TTC39B: variants seen among roughly 807,000 people sequenced by gnomAD.
TTC39B encodes the protein tetratricopeptide repeat domain 39B.
TTC39B carries 92 observed loss-of-function variants against 96.6 expected under a neutral mutation model. The observed-to-expected ratio is 0.95, with a 90% CI of 0.80 to 1.13. The LOEUF is 1.13. Ranked by LOEUF, TTC39B falls within the 50% of genes most tolerant of loss-of-function variation. The pLI is 0.00. For missense variants in TTC39B, 955 were observed against 809.3 expected, an observed-to-expected ratio of 1.18 and a Z score of -2.18; for synonymous variants, 367 against 299.4, an observed-to-expected ratio of 1.23 and a Z score of -2.33.
At chr9:15,280,045 G>A (rs1400422265) in intron 1 of TTC39B, among the ~76,000 whole-genome samples, 1 of 151,906 alleles carries the variant, frequency 6.6e-6, no homozygotes, top group Non-Finnish European at 1.5e-5. Flanking sequence ...ACAAGTACAT[G>A]CCACCAAACC....
At chr9:15,172,175 C>T (rs1163379701) in intron 19 of TTC39B, 66 bp from the exon 20 acceptor site, 5 of 1,061,924 alleles carry the variant, frequency 4.7e-6, no homozygotes, top group Non-Finnish European at 7.1e-6. Context: ...CACCACTCTC[C>T]CATTCCTCTC....
Position 15,185,439 on chromosome 9 carries a change from G to C in TTC39B, c.1488-33C>G, listed in dbSNP as rs773638751. 3 of 1,610,992 alleles carry C rather than the reference G, an allele frequency of 1.9e-6. No individual in the cohort carries two copies. In the African/African-American group the frequency reaches 4.0e-5, roughly 22 times the overall value. On this transcript the variant is annotated intron_variant, in intron 15 of 19. Coordinates refer to ENST00000512701, the Ensembl canonical transcript of TTC39B. ...GAACCCCAGCCCAGCCCCAGAGAAA[G>C]GTCATGGCAACACATACATTATTTG...
chr9:15,223,627 T>A (rs1820964927), intron 3 of TTC39B, among the ~76,000 whole-genome samples: 1 of 152,220 alleles, frequency 6.6e-6, no homozygotes, highest in Admixed American at 6.5e-5. Context: ...CCAAGTGTCA[T>A]TTTAGGCTGC....
At chr9:15,217,956 T>A (rs1820615914) in intron 3 of TTC39B, among the ~76,000 whole-genome samples, 2 of 152,004 alleles carry the variant, frequency 1.3e-5, no homozygotes, top group South Asian at 4.2e-4. Context: ...ACGCCTGTAA[T>A]CCCAGCACTT....
intron 2 of TTC39B, among the ~76,000 whole-genome samples, chr9:15,259,375 C>G (rs1822866843): frequency 6.6e-6 from 1 of 152,298 alleles, no homozygotes; most frequent in South Asian, 2.1e-4. Flanking sequence ...AGACTCCAAA[C>G]CAGCTTACAA....
chr9:15,220,972 A>G (rs1820810013), intron 3 of TTC39B, among the ~76,000 whole-genome samples: 1 of 152,172 alleles, frequency 6.6e-6, no homozygotes, highest in East Asian at 1.9e-4. Context: ...GGGCAAGAAA[A>G]CCACAGCAGT....
At chr9:15,209,275 CA>C (rs1820051049) in intron 6 of TTC39B, among the ~76,000 whole-genome samples, 1 of 152,072 alleles carries the variant, frequency 6.6e-6, no homozygotes, top group Non-Finnish European at 1.5e-5. Flanking sequence ...GCCCTAGTCC[CA>C]GGGGGCACGT....
At chr9:15,302,602 G>A (rs1194230135) in intron 1 of TTC39B, among the ~76,000 whole-genome samples, 1 of 140,018 alleles carries the variant, frequency 7.1e-6, no homozygotes, top group Non-Finnish European at 1.5e-5. Context: ...CCAGCACTTT[G>A]AGAGGCCGAG....
intron 1 of TTC39B, 82 bp downstream of exon 1, chr9:15,307,002 G>T: frequency 6.5e-7 from 1 of 1,549,402 alleles, no homozygotes; most frequent in South Asian, 1.2e-5. Flanking sequence ...GGCCTCGGCC[G>T]TCCTAGCCGG....
Position 15,194,816 on chromosome 9 carries a change from T to C in TTC39B, c.825-2121A>G, listed in dbSNP as rs1819062762. ...AACCACACCCATATAAGAGCGAAAG[T>C]TATCAATAAATGTTGTGTGTGTTCT... is the stretch of plus-strand genomic sequence containing the variant. On this transcript the variant is annotated intron_variant, in intron 8 of 19. Coordinates refer to ENST00000512701, the Ensembl canonical transcript of TTC39B. Among the ~76,000 whole-genome samples, 5 of 152,286 alleles carry C rather than the reference T, an allele frequency of 3.3e-5. No homozygotes were observed. The South Asian group carries it at 1.0e-3, about 32-fold the overall frequency.
At chr9:15,179,699 G>A (rs1055431449) in intron 17 of TTC39B, among the ~76,000 whole-genome samples, 8 of 152,130 alleles carry the variant, frequency 5.3e-5, no homozygotes, top group Non-Finnish European at 7.4e-5. Context: ...TCATTTTTGT[G>A]CATTCTACTG....
chr9:15,172,996 G>A (rs1186193042), intron 19 of TTC39B, among the ~76,000 whole-genome samples: 2 of 152,120 alleles, frequency 1.3e-5, no homozygotes, highest in Non-Finnish European at 2.9e-5. Context: ...ATGCATAAAG[G>A]GAAAGTGCAG....
chr9:15,167,004 ATATATATATATATATATATATATATTTT>A (rs1817535174), exon 20 of TTC39B: 1 of 5,396 alleles, frequency 1.9e-4, no homozygotes, highest in African/African-American at 9.5e-4. Flanking sequence ...ATATATATAT[ATATATATATATATATATATATATATTTT>A]TTTTTTTTTT....
intron 2 of TTC39B, among the ~76,000 whole-genome samples, chr9:15,262,871 A>G (rs1349443907): frequency 6.6e-6 from 1 of 152,206 alleles, no homozygotes; most frequent in Non-Finnish European, 1.5e-5. Flanking sequence ...AGATCAAAAT[A>G]TATGGTTCAG....
At chr9:15,250,289 T>TTCTCTAGA in intron 2 of TTC39B, 1 of 855,404 alleles carries the variant, frequency 1.2e-6, no homozygotes, top group Non-Finnish European at 1.4e-6. Flanking sequence ...CCATCACTGT[T>TTCTCTAGA]TAATTATCTA....
intron 8 of TTC39B, among the ~76,000 whole-genome samples, chr9:15,197,270 G>C (rs1310362327): frequency 6.6e-6 from 1 of 151,870 alleles, no homozygotes; most frequent in Non-Finnish European, 1.5e-5. Context: ...AGTATTTTTA[G>C]GTTTTGATGA....
At chr9:15,178,196 A>T (rs1818061872) in intron 17 of TTC39B, among the ~76,000 whole-genome samples, 2 of 152,082 alleles carry the variant, frequency 1.3e-5, no homozygotes, top group African/African-American at 2.4e-5. Flanking sequence ...AGAAAGAACA[A>T]AGTTTCAGAG....
intron 1 of TTC39B, among the ~76,000 whole-genome samples, chr9:15,281,771 G>A (rs891314734): frequency 3.3e-5 from 5 of 151,850 alleles, no homozygotes; most frequent in African/African-American, 1.2e-4. Flanking sequence ...CCGCCCCCAG[G>A]TTCAAGCAAT....
intron 1 of TTC39B, among the ~76,000 whole-genome samples, chr9:15,282,600 C>G (rs1587004108): frequency 2.0e-5 from 3 of 152,074 alleles, no homozygotes; most frequent in Admixed American, 2.0e-4. Flanking sequence ...TGGATGCTAA[C>G]GAAGTCACAA....
Sources: gnomAD v4.1 joint callset for allele counts (sites outside exome capture counted in the v4.1 genomes callset) on GRCh38, gnomAD v4.1.1 for gene constraint, MANE v1.5 for transcripts, NCBI Gene and HGNC (gene_info 2026-07-23, HGNC 2026-07-21) for gene names.